The following HTT variants were observed in gnomAD, a reference collection of about 807,000 sequenced individuals.
The protein encoded by HTT is huntingtin, also known as huntington disease protein.
In HTT, 104 loss-of-function variants were observed where a neutral mutation model predicts 362.3. That is an observed-to-expected ratio of 0.29 (90% CI 0.24 to 0.34). The LOEUF is 0.34. Among genes scored for constraint, HTT ranks in the 10% least tolerant of loss-of-function variants. The probability of loss-of-function intolerance (pLI) is 1.00; values close to 1 mark genes in which losing one functional copy is unlikely to be tolerated. For missense variants in HTT, 3,301 were observed against 3,928.6 expected (o/e 0.84, Z 4.27); for synonymous variants, 1,577 against 1,548.7 (o/e 1.02, Z -0.43).
chr4:3,076,453 T>C (rs1023369102), intron 1 of HTT, among the ~76,000 whole-genome samples: 2 of 152,232 alleles, frequency 1.3e-5, no homozygotes, highest in African/African-American at 2.4e-5. Flanking sequence ...TAGAAAATGA[T>C]TCGGAGAGCA....
At chr4:3,169,057 C>T (rs1254201417) in intron 29 of HTT, among the ~76,000 whole-genome samples, 1 of 139,662 alleles carries the variant, frequency 7.2e-6, no homozygotes, top group African/African-American at 3.1e-5. Context: ...CTCGCTCTGT[C>T]GCCTGCGTTG....
chr4:3,133,546 A>G (rs912771113), intron 18 of HTT, among the ~76,000 whole-genome samples: 5 of 148,948 alleles, frequency 3.4e-5, no homozygotes, highest in African/African-American at 9.9e-5. Context: ...AAAAAAAACC[A>G]CTGTGCTAGG....
chr4:3,091,573 G>C (rs1229349439), intron 2 of HTT, among the ~76,000 whole-genome samples: 1 of 152,168 alleles, frequency 6.6e-6, no homozygotes, highest in African/African-American at 2.4e-5. Context: ...GTAAAGAGCA[G>C]TTATAAATAT....
Position 3,173,002 on chromosome 4 carries a change from G to C in HTT, c.4037G>C (p.Gly1346Ala). 6.2e-7 allele frequency: 1 copy of C among 1,614,160 alleles called. No homozygotes were observed. Among genetic ancestry groups the C allele is most frequent in the Non-Finnish European group, 8.5e-7 (1 of 1,180,034 alleles). Residue 1346 changes from glycine (G) to alanine (A), a missense_variant, in exon 31 of 67, where the codon GGC becomes GCC. Coordinates refer to ENST00000355072, the MANE Select transcript of HTT (RefSeq NM_001388492.1). ...TCACAAGGCCGAGCACAGCGCCTTG[G>C]CTCCTCCAGTGTGAGGCCAGGCTTG... ...SKSQGRAQRL[G>A]SSSVRPGLYH...
At chr4:3,093,109 C>T (rs1210331989) in intron 2 of HTT, among the ~76,000 whole-genome samples, 5 of 152,190 alleles carry the variant, frequency 3.3e-5, no homozygotes. Context: ...CCTGCCCTCT[C>T]AGTACCCTGT....
chr4:3,131,803 C>T (rs1715829882), intron 16 of HTT, 28 bp downstream of exon 16: 3 of 1,594,926 alleles, frequency 1.9e-6, no homozygotes, highest in South Asian at 2.2e-5. Flanking sequence ...ATCTTATTTT[C>T]TCAGATTTAA....
Position 3,074,936 on chromosome 4 carries a change from A to ACGCCGCCGCCG in HTT, c.112_113insGCCGCCGCCGC (p.Gln38ArgfsTer67), listed in dbSNP as rs762866595. ...AGCAGCAGCAGCAGCAGCAGCAGCA[A>ACGCCGCCGCCG]CAGCCGCCACCGCCGCCGCCGCCGC... On this transcript the variant is annotated frameshift_variant, in exon 1 of 67. Transcript: ENST00000355072. LOFTEE classifies it high-confidence loss of function. 1 of 1,189,934 alleles carries ACGCCGCCGCCG rather than the reference A, an allele frequency of 8.4e-7. No individual in the cohort carries two copies. The highest frequency in any genetic ancestry group is 1.1e-6 in the Non-Finnish European group (1 of 894,050). 73.7% of individuals were successfully genotyped at this position (1,189,934 alleles called of 1,614,324 possible).
chr4:3,229,182 T>C (rs1007625015), intron 59 of HTT, among the ~76,000 whole-genome samples, 173 bp downstream of exon 59: 4 of 140,636 alleles, frequency 2.8e-5, no homozygotes, highest in Non-Finnish European at 6.1e-5. Context: ...ACATGCCACA[T>C]GCACACACAT....
intron 2 of HTT, among the ~76,000 whole-genome samples, chr4:3,092,168 T>C (rs1306330218): frequency 6.6e-6 from 1 of 151,822 alleles, no homozygotes; most frequent in Non-Finnish European, 1.5e-5. Context: ...GATTACAGGC[T>C]CACACCACCG....
intron 28 of HTT, among the ~76,000 whole-genome samples, 158 bp from the exon 29 acceptor site, chr4:3,160,124 T>G (rs890668615): frequency 3.3e-5 from 5 of 152,318 alleles, no homozygotes; most frequent in East Asian, 3.9e-4. Flanking sequence ...ATTTTTCCAG[T>G]GCTGACAACA....
At chr4:3,136,146 C>T in intron 20 of HTT, 80 bp from the exon 21 acceptor site, 1 of 1,034,790 alleles carries the variant, frequency 9.7e-7, no homozygotes, top group Non-Finnish European at 1.5e-6. Context: ...AGTTCTTTCT[C>T]ACTAGCTTTC....
At chr4:3,229,635 C>G (rs977411275) in intron 59 of HTT, among the ~76,000 whole-genome samples, 5 of 151,752 alleles carry the variant, frequency 3.3e-5, no homozygotes, top group African/African-American at 1.2e-4. Flanking sequence ...CGCACACACA[C>G]CACATGCGCA....
At chr4:3,212,523 T>C (rs1432656592) in intron 48 of HTT, 41 bp from the exon 49 acceptor site, 3 of 1,600,110 alleles carry the variant, frequency 1.9e-6, no homozygotes, top group South Asian at 2.2e-5. Context: ...GATGCATCTG[T>C]GCTCACGTTT....
rs867542450 is a variant in HTT, at chr4:3,083,530, T to C, written c.264-3409T>C. On this transcript the variant is annotated intron_variant, in intron 1 of 66. Coordinates refer to ENST00000355072, the MANE Select transcript of HTT (RefSeq NM_001388492.1). ...GAGAGTGAGACCCTGTCTCTAAATA[T>C]ACACACACACACACACACACACACA... Among the ~76,000 whole-genome samples, 293 of 125,170 alleles carry C rather than the reference T, an allele frequency of 2.3e-3. 7 individuals carry two copies. The highest frequency in any genetic ancestry group is 0.012 in the Middle Eastern group (3 of 256). 82.1% of individuals were successfully genotyped at this position (125,170 alleles called of 152,430 possible).
intron 25 of HTT, among the ~76,000 whole-genome samples, chr4:3,147,161 A>G (rs534803298): frequency 6.6e-6 from 1 of 152,346 alleles, no homozygotes; most frequent in East Asian, 1.9e-4. Flanking sequence ...GCCTCTTCCC[A>G]ATATAGCCCC....
rs1295648634 is a variant in HTT at position 3,127,421 on chromosome 4, T to C, written c.1560T>C (p.Ser520=). 1 of 1,614,190 alleles carries C rather than the reference T, an allele frequency of 6.2e-7. No homozygotes were observed. The highest frequency in any genetic ancestry group is 8.5e-7 in the Non-Finnish European group (1 of 1,180,022). ...VDLASCDLTS[S]ATDGDEEDIL... is the part of the protein sequence containing the mutation. ...TGGCCAGCTGTGACTTGACAAGCTC[T>C]GCCACTGATGGGGATGAGGAGGATA... is the stretch of plus-strand genomic sequence containing the variant. Residue 520 remains serine (S), a synonymous_variant, in exon 12 of 67, where the codon TCT becomes TCC. Coordinates refer to ENST00000355072, the MANE Select transcript of HTT (RefSeq NM_001388492.1).
rs781546220 is a variant in HTT, at chr4:3,223,479, C to T, written c.7544C>T (p.Thr2515Ile). The T allele has an allele frequency of 1.2e-6, 2 of 1,613,928 alleles. No individual in the cohort carries two copies. The highest frequency in any genetic ancestry group is 1.3e-5 in the African/African-American group (1 of 74,952). Residue 2515 changes from threonine (T) to isoleucine (I), a missense_variant, in exon 55 of 67, where the codon ACT (threonine) becomes ATT (isoleucine). By Grantham distance (89) the Thr-to-Ile change is moderately conservative. This residue lies in a region of HTT where 753 missense variants were observed against 1,021.3 expected (regional missense o/e 0.74). Coordinates refer to ENST00000355072, the MANE Select transcript of HTT (RefSeq NM_001388492.1). ...AITSLVLSAM[T>I]VPVAGNPAVS... ...ACCTCACTGGTGCTCAGTGCAATGA[C>T]TGTGCCTGTGGCCGGCAACCCAGCT...
At chr4:3,141,668 A>G (rs1716352506) in intron 22 of HTT, among the ~76,000 whole-genome samples, 1 of 152,154 alleles carries the variant, frequency 6.6e-6, no homozygotes, top group Non-Finnish European at 1.5e-5. Context: ...AGGCTGAGGG[A>G]TGAGAATCAC....
rs1720500582 is a variant in HTT, at chr4:3,218,068, T to C, written c.7242+116T>C. 3.3e-6 allele frequency: 3 copies of C among 896,978 alleles called. No individual in the cohort carries two copies. In the East Asian group the frequency reaches 8.0e-5, roughly 24 times the overall value. The allele number at this position is 896,978 out of a possible 1,614,324, so 55.6% of individuals were successfully genotyped here. On this transcript the variant is annotated intron_variant, in intron 52 of 66. Coordinates refer to ENST00000355072, the MANE Select transcript of HTT (RefSeq NM_001388492.1). This position sits in a 1 kb window ranked among gnomAD's most constrained non-coding sequence, Gnocchi z 4.4. Reference sequence around the variant, plus strand: ...TCCCCGCAGCCCAGAGGCTGCCTGCTGTGGTTCTGGTGCCCACTGTGGTTC... The same window carrying C: ...TCCCCGCAGCCCAGAGGCTGCCTGCCGTGGTTCTGGTGCCCACTGTGGTTC...
Sources: allele counts gnomAD v4.1 joint callset (sites outside exome capture counted in the v4.1 genomes callset), GRCh38; gene constraint gnomAD v4.1.1; regional missense constraint gnomAD v4.1.1; non-coding constraint Gnocchi (gnomAD v3.1); transcripts MANE v1.5; gene names NCBI Gene and HGNC (gene_info 2026-07-23, HGNC 2026-07-21).